AGAP2: variants seen among roughly 807,000 people sequenced by gnomAD.
AGAP2 encodes the protein arf-GAP with GTPase, ANK repeat and PH domain-containing protein 2.
AGAP2 carries 32 observed loss-of-function variants against 110.9 expected under a neutral mutation model. The ratio of observed to expected loss-of-function variants is 0.29; its 90% CI spans 0.22 to 0.39. The LOEUF (loss-of-function observed/expected upper bound fraction) is 0.39. AGAP2 is among the 10% of genes least tolerant of loss of function. The pLI is 1.00. For synonymous variants in AGAP2, 702 were observed against 713.0 expected, an observed-to-expected ratio of 0.98 and a Z score of 0.25; for missense variants, 1,285 against 1,638.5, an observed-to-expected ratio of 0.78 and a Z score of 3.72.
intron 2 of AGAP2, 101 bp downstream of exon 2, chr12:57,735,267 CA>C: frequency 8.7e-7 from 1 of 1,152,818 alleles, no homozygotes. Context: ...TCCCTATTCC[CA>C]AAGAGAGAGA....
Position 57,738,110 on chromosome 12 carries a change from C to T in AGAP2, c.137G>A (p.Gly46Asp). The change falls in exon 1 of 19, where the codon GGC becomes GAC. Residue 46 changes from glycine (G) to aspartate (D), a missense_variant. Gly to Asp is a moderately conservative substitution (Grantham distance 94). Coordinates refer to ENST00000547588, the MANE Select transcript of AGAP2 (RefSeq NM_001122772.3). This position sits in a 1 kb window ranked among gnomAD's most constrained non-coding sequence, Gnocchi z 6.7. ...GCTGCCAGGATCCCCAGTCTCGGAGCCTCTGGCACCGGCGGCGCCGGCCGC... is the reference window on the plus strand; with the variant it reads ...GCTGCCAGGATCCCCAGTCTCGGAGTCTCTGGCACCGGCGGCGCCGGCCGC... Reference protein sequence around the residue: ...AAAAGAAGARGSETGDPGSPR... With the variant: ...AAAAGAAGARDSETGDPGSPR... 6.6e-7 allele frequency: 1 copy of T among 1,520,660 alleles called. No homozygotes were observed. The highest frequency in any genetic ancestry group is 1.2e-5 in the South Asian group (1 of 83,312). 94.2% of individuals were successfully genotyped at this position (1,520,660 alleles called of 1,614,324 possible).
In AGAP2 at chr12:57,727,172, C is replaced by T. The variant is rs767452529; in HGVS notation, c.3138G>A (p.Pro1046=). Residue 1046 remains proline, a synonymous_variant, in exon 18 of 19, where the codon CCG becomes CCA. Coordinates refer to ENST00000547588, the MANE Select transcript of AGAP2 (RefSeq NM_001122772.3). ...AKYEQLLFLA[P]LSTSEEPLGR... ...CCAGCGGCTCCTCCGAGGTGCTCAG[C>T]GGCGCCAGGAACAGTAGCTGCTCGT... 1.2e-6 allele frequency: 2 copies of T among 1,609,066 alleles called. No individual in the cohort carries two copies. The highest frequency in any genetic ancestry group is 2.2e-5 in the East Asian group (1 of 44,704).
chr12:57,723,842 C>T (rs1954724795), downstream of AGAP2: 1 of 152,248 alleles, frequency 6.6e-6, no homozygotes, highest in African/African-American at 2.4e-5. Context: ...GAACTTCCCA[C>T]TTGCTCTTTG....
At chr12:57,740,269 G>C (rs532808336), upstream of AGAP2, among the ~76,000 whole-genome samples, 1 of 152,122 alleles carries the variant, frequency 6.6e-6, no homozygotes, top group Non-Finnish European at 1.5e-5. Flanking sequence ...CCAGAGGCCT[G>C]TATCCAATCC....
chr12:57,738,242 C>A lies in AGAP2; in HGVS notation c.5G>T (p.Ser2Ile). 5 of 1,513,194 alleles carry A rather than the reference C, an allele frequency of 3.3e-6. No individual in the cohort carries two copies. The highest frequency in any genetic ancestry group is 4.4e-6 in the Non-Finnish European group (5 of 1,135,712). 93.7% of individuals were successfully genotyped at this position (1,513,194 alleles called of 1,614,324 possible). A position where few individuals can be genotyped will look rare whatever the true frequency, so the allele number is the denominator to read the frequency against. The change falls in exon 1 of 19, where the codon AGC (serine) becomes ATC (isoleucine). Residue 2 changes from serine (S) to isoleucine (I), a missense_variant. By Grantham distance (142) the Ser-to-Ile change is moderately radical. Around this residue, in one of 7 missense-constraint regions of AGAP2, gnomAD observed 844 missense variants for 941.2 expected, o/e 0.90. Coordinates refer to ENST00000547588, the MANE Select transcript of AGAP2 (RefSeq NM_001122772.3). This position sits in a 1 kb window ranked among gnomAD's most constrained non-coding sequence, Gnocchi z 6.7. M[S>I]RGAGALQRRT... ...GCGCTGAAGCGCGCCCGCGCCCCGG[C>A]TCATGGGGCCCGGAGACCCCCGAGC... is the stretch of plus-strand genomic sequence containing the variant.
rs1413250998 is a variant in AGAP2, at chr12:57,734,306, C to T, written c.1401+13G>A. On this transcript the variant is annotated intron_variant, in intron 4 of 18. Coordinates refer to ENST00000547588, the MANE Select transcript of AGAP2 (RefSeq NM_001122772.3). ...ACCCCAGCCAGCCTGTCCCCCACCA[C>T]CTCCACCCTCACCTTGGCATCAGGT... 1 of 1,614,134 alleles carries T rather than the reference C, an allele frequency of 6.2e-7. No individual in the cohort carries two copies. Among genetic ancestry groups the T allele is most frequent in the Admixed American group, 1.7e-5 (1 of 60,024 alleles).
At chr12:57,731,764 C>T in intron 8 of AGAP2, 45 bp downstream of exon 8, 1 of 1,560,972 alleles carries the variant, frequency 6.4e-7, no homozygotes, top group Non-Finnish European at 8.7e-7. Context: ...ATGGGCAGGT[C>T]ATGGGGGACA....
chr12:57,727,339 G>T (rs2140352771), intron 17 of AGAP2, 21 bp downstream of exon 17: 2 of 1,605,358 alleles, frequency 1.2e-6, no homozygotes, highest in East Asian at 2.2e-5. Flanking sequence ...CCCTCCCCCC[G>T]CTCTGTTCCC....
rs1427281935 is a variant in AGAP2 at position 57,738,087 on chromosome 12, T to C, written c.160A>G (p.Ser54Gly). ...ARGSETGDPG[S>G]PRGAEEPGKK... is the part of the protein sequence containing the mutation. ...CCCGGCTCCTCCGCGCCTCGGGGGC[T>C]GCCAGGATCCCCAGTCTCGGAGCCT... The change falls in exon 1 of 19, where the codon AGC (serine) becomes GGC (glycine). Residue 54 changes from serine (S) to glycine (G), a missense_variant. By Grantham distance (56) the Ser-to-Gly change is moderately conservative. This residue lies in a region of AGAP2 where 844 missense variants were observed against 941.2 expected (regional missense o/e 0.90). Transcript: ENST00000547588. The surrounding 1 kb of genome is among the most constrained non-coding windows in gnomAD (Gnocchi z 6.7). 4 of 1,524,522 alleles carry C rather than the reference T, an allele frequency of 2.6e-6. No individual in the cohort carries two copies. Among genetic ancestry groups the C allele is most frequent in the Non-Finnish European group, 3.5e-6 (4 of 1,141,644 alleles). 94.4% of individuals were successfully genotyped at this position (1,524,522 alleles called of 1,614,324 possible). A position where few individuals can be genotyped will look rare whatever the true frequency, so the allele number is the denominator to read the frequency against.
Position 57,731,875 on chromosome 12 carries a change from T to G in AGAP2, c.1887A>C (p.Ala629=). Residue 629 remains alanine, a synonymous_variant, in exon 8 of 19, where the codon GCA becomes GCC. Coordinates refer to ENST00000547588, the MANE Select transcript of AGAP2 (RefSeq NM_001122772.3). ...GHRELRAEAA[A]VAGLSTPGSL... ...ACCCTGGGGTGCTCAATCCAGCCAC[T>G]GCAGCTGCCTCGGCTCGGAGCTCCC... 1 of 1,610,030 alleles carries G rather than the reference T, an allele frequency of 6.2e-7. No homozygotes were observed. Among genetic ancestry groups the G allele is most frequent in the Non-Finnish European group, 8.5e-7 (1 of 1,178,292 alleles).
intron 1 of AGAP2, 139 bp from the exon 2 acceptor site, chr12:57,735,566 G>A: frequency 2.6e-6 from 2 of 755,680 alleles, no homozygotes; most frequent in East Asian, 2.7e-5. Flanking sequence ...GCAACAGACA[G>A]GTTTGAGGGT....
Position 57,737,369 on chromosome 12 carries a change from AGCG to A in AGAP2, c.875_877del (p.Pro292del). ...TGGACTCGGAGTTGGTGGGAGGGTT[AGCG>A]GAGGAGGAGAGCCGGCAGGCGGTCC... On this transcript the variant is annotated inframe_deletion, in exon 1 of 19. Coordinates refer to ENST00000547588, the MANE Select transcript of AGAP2 (RefSeq NM_001122772.3). The surrounding 1 kb of genome is among the most constrained non-coding windows in gnomAD (Gnocchi z 5.9). 1 of 1,613,788 alleles carries A rather than the reference AGCG, an allele frequency of 6.2e-7. No homozygotes were observed. Among genetic ancestry groups the A allele is most frequent in the South Asian group, 1.1e-5 (1 of 91,082 alleles).
At chr12:57,736,249 CG>C (rs1272456378) in intron 1 of AGAP2, among the ~76,000 whole-genome samples, 1 of 152,176 alleles carries the variant, frequency 6.6e-6, no homozygotes, top group African/African-American at 2.4e-5. Context: ...CCTCCTCTCC[CG>C]GGAGTGTGAG....
rs868511833 is a variant in AGAP2, at chr12:57,737,100, C to A, written c.1147G>T (p.Ala383Ser). 6.4e-7 allele frequency: 1 copy of A among 1,551,956 alleles called. No homozygotes were observed. ...TCACTAGGGGAAGCGCGGAGCTCGG[C>A]GCCCAGCAGCTCCCTGGACCCGCTG... ...SGSGSRELLG[A>S]ELRASPKAVI... The change falls in exon 1 of 19, where the codon GCC becomes TCC. Residue 383 changes from alanine to serine, a missense_variant. By Grantham distance (99) the Ala-to-Ser change is moderately conservative. This residue lies in a region of AGAP2 where 844 missense variants were observed against 941.2 expected (regional missense o/e 0.90). Transcript: ENST00000547588. The surrounding 1 kb of genome is among the most constrained non-coding windows in gnomAD (Gnocchi z 5.9).
At chr12:57,742,084 T>C, upstream of AGAP2, 1 of 1,610,106 alleles carries the variant, frequency 6.2e-7, no homozygotes. Context: ...TGCCCAGACC[T>C]GTCTTGCCAG....
intron 1 of AGAP2, among the ~76,000 whole-genome samples, chr12:57,736,495 G>GC (rs1954984376): frequency 6.6e-6 from 1 of 152,034 alleles, no homozygotes; most frequent in Non-Finnish European, 1.5e-5. Context: ...CTTCCTATCC[G>GC]CCCCCTCTCA....
At chr12:57,736,611 G>T (rs1008031463) in intron 1 of AGAP2, among the ~76,000 whole-genome samples, 2 of 152,248 alleles carry the variant, frequency 1.3e-5, no homozygotes, top group African/African-American at 4.8e-5. Flanking sequence ...CAGCCCAGGG[G>T]ACGACTAGTC....
In AGAP2 at chr12:57,738,508, CG is replaced by C. The variant is rs1442229527; in HGVS notation, c.-263del. On this transcript the variant is annotated 5_prime_UTR_variant, in exon 1 of 19. Transcript: ENST00000547588. This position sits in a 1 kb window ranked among gnomAD's most constrained non-coding sequence, Gnocchi z 6.7. Reference sequence around the variant, plus strand: ...GGACCTTGGTGCTGCTCCAGGGAGGCGCGCCGGACCGTCCACCCCGGCCTGG... The same window carrying C: ...GGACCTTGGTGCTGCTCCAGGGAGGCCGCCGGACCGTCCACCCCGGCCTGG... Among the ~76,000 whole-genome samples, 1 of 151,772 alleles carries C rather than the reference CG, an allele frequency of 6.6e-6. No homozygotes were observed. Among genetic ancestry groups the C allele is most frequent in the Non-Finnish European group, 1.5e-5 (1 of 67,870 alleles).
At position 57,737,639 on chromosome 12, in the gene AGAP2, C is replaced by A. The variant is rs550139604; in HGVS notation, c.608G>T (p.Gly203Val). 1.6e-4 allele frequency: 249 copies of A among 1,547,138 alleles called. No homozygotes were observed. The highest frequency in any genetic ancestry group is 7.5e-4 in the South Asian group (63 of 84,066). Residue 203 changes from glycine to valine, a missense_variant, in exon 1 of 19, where the codon GGC (glycine) becomes GTC (valine). Gly to Val is a moderately radical substitution (Grantham distance 109). This residue lies in a region of AGAP2 where 844 missense variants were observed against 941.2 expected (regional missense o/e 0.90). Coordinates refer to ENST00000547588, the MANE Select transcript of AGAP2 (RefSeq NM_001122772.3). This position sits in a 1 kb window ranked among gnomAD's most constrained non-coding sequence, Gnocchi z 5.9. ...VTTSGAKAGG[G>V]KGAGSRLSWP... ...TGACAGGCGGCTACCCGCGCCCTTG[C>A]CCCCGCCGGCTTTGGCTCCACTCGT...
Sources: allele counts gnomAD v4.1 joint callset (sites outside exome capture counted in the v4.1 genomes callset), GRCh38; gene constraint gnomAD v4.1.1; regional missense constraint gnomAD v4.1.1; non-coding constraint Gnocchi (gnomAD v3.1); transcripts MANE v1.5; gene names NCBI Gene and HGNC (gene_info 2026-07-23, HGNC 2026-07-21).